Variants in ITPR2 observed in about 807,000 individuals in gnomAD.
The protein encoded by ITPR2 is inositol 1,4,5-trisphosphate-gated calcium channel ITPR2.
In ITPR2, 207 loss-of-function variants were observed where a neutral mutation model predicts 317.1. That is an observed-to-expected ratio of 0.65 (90% CI 0.58 to 0.73). ITPR2 has a LOEUF of 0.73. ITPR2 is among the 30% of genes least tolerant of loss of function. The pLI, the probability that ITPR2 is intolerant of heterozygous loss-of-function variation, is 0.00. For synonymous variants in ITPR2, 1,156 were observed against 1,149.1 expected (o/e 1.01, Z -0.12); for missense variants, 2,613 against 3,284.0 (o/e 0.80, Z 4.99).
intron 39 of ITPR2, among the ~76,000 whole-genome samples, chr12:26,489,700 T>C (rs763248096): frequency 6.6e-6 from 1 of 152,224 alleles, no homozygotes; most frequent in Non-Finnish European, 1.5e-5. Context: ...CTCCTATACC[T>C]TCTCCTTCAG....
At chr12:26,736,821 G>T (rs1949127003) in intron 2 of ITPR2, among the ~76,000 whole-genome samples, 1 of 152,090 alleles carries the variant, frequency 6.6e-6, no homozygotes, top group African/African-American at 2.4e-5. Flanking sequence ...GTTGGGTCCA[G>T]TTCTATAGAT....
intron 10 of ITPR2, among the ~76,000 whole-genome samples, chr12:26,686,966 G>A (rs1161466610): frequency 2.6e-5 from 4 of 152,140 alleles, no homozygotes; most frequent in Non-Finnish European, 5.9e-5. Context: ...AACAAACACA[G>A]AGAAGAGCCC....
chr12:26,696,898 T>C (rs975146374), intron 9 of ITPR2, among the ~76,000 whole-genome samples: 3 of 152,190 alleles, frequency 2.0e-5, no homozygotes, highest in Admixed American at 1.3e-4. Flanking sequence ...CTGCTACCTG[T>C]CTCTGACTTT....
intron 32 of ITPR2, among the ~76,000 whole-genome samples, chr12:26,592,062 C>A (rs764556446): frequency 2.0e-5 from 3 of 152,132 alleles, no homozygotes; most frequent in Admixed American, 6.6e-5. Flanking sequence ...GAGTACTATT[C>A]AGCCAGTAAA....
At position 26,669,195 on chromosome 12, in the gene ITPR2, T is replaced by A. The variant is rs541068900; in HGVS notation, c.1410-3144A>T. On this transcript the variant is annotated intron_variant, in intron 13 of 56. Transcript: ENST00000381340. ...AGAAGGAAAATTATTCTACATACAT[T>A]CTAAAAATATTATTAATCTATAAGG... is the stretch of plus-strand genomic sequence containing the variant. 4.6e-5 allele frequency among the ~76,000 whole-genome samples: 7 copies of A among 151,716 alleles called. No homozygotes were observed. In the South Asian group the frequency reaches 1.2e-3, roughly 27 times the overall value.
chr12:26,696,969 C>T (rs543522208), intron 9 of ITPR2, among the ~76,000 whole-genome samples: 1 of 152,248 alleles, frequency 6.6e-6, no homozygotes, highest in South Asian at 2.1e-4. Context: ...AAGATGATGG[C>T]CAAGGCCTTT....
chr12:26,583,116 T>C (rs2137080187), intron 32 of ITPR2, among the ~76,000 whole-genome samples: 1 of 152,288 alleles, frequency 6.6e-6, no homozygotes, highest in South Asian at 2.1e-4. Flanking sequence ...TTCTTAAATC[T>C]GCCCTCGTTT....
At chr12:26,470,104 T>C (rs1942262842) in intron 45 of ITPR2, among the ~76,000 whole-genome samples, 1 of 152,214 alleles carries the variant, frequency 6.6e-6, no homozygotes, top group African/African-American at 2.4e-5. Context: ...TGAAGATGGC[T>C]AGATTTTGGC....
chr12:26,635,909 A>G (rs1334185400), intron 21 of ITPR2, among the ~76,000 whole-genome samples: 1 of 152,254 alleles, frequency 6.6e-6, no homozygotes, highest in East Asian at 1.9e-4. Context: ...GCATAAGATC[A>G]AAGCCTTAAT....
At chr12:26,715,596 G>C (rs187926905) in intron 7 of ITPR2, 151 bp from the exon 8 acceptor site, 128 of 823,792 alleles carry the variant, frequency 1.6e-4, no homozygotes, top group Admixed American at 5.5e-4. Flanking sequence ...TTAAAAATGT[G>C]GGGGGGAAAT....
intron 54 of ITPR2, 50 bp from the exon 55 acceptor site, chr12:26,387,644 C>T: frequency 6.5e-7 from 1 of 1,536,488 alleles, no homozygotes; most frequent in Non-Finnish European, 8.9e-7. Flanking sequence ...TTAATCAGTA[C>T]TTGCTTCTTA....
intron 5 of ITPR2, among the ~76,000 whole-genome samples, chr12:26,719,661 G>A (rs1048854288): frequency 6.6e-6 from 1 of 152,070 alleles, no homozygotes; most frequent in African/African-American, 2.4e-5. Context: ...GTGCAGGTTT[G>A]TTACATATGT....
At chr12:26,698,953 T>C (rs1948397574) in intron 9 of ITPR2, among the ~76,000 whole-genome samples, 4 of 151,708 alleles carry the variant, frequency 2.6e-5, no homozygotes, top group Admixed American at 6.6e-5. Context: ...AGTTTCACCA[T>C]AGCTTTTTTA....
Position 26,656,429 on chromosome 12 carries a change from G to C in ITPR2, c.2312C>G (p.Pro771Arg). ...ILRCVSDESL[P>R]FDLRASFCRL... is the part of the protein sequence containing the mutation. ...ACAGAAGGACGCTCGGAGGTCGAAC[G>C]GCAGGCTCTCATCCGACACACACCG... Residue 771 changes from proline to arginine, a missense_variant, in exon 19 of 57, where the codon CCG (proline) becomes CGG (arginine). By Grantham distance (103) the Pro-to-Arg change is moderately radical. This residue lies in a region of ITPR2 where 817 missense variants were observed against 897.6 expected (regional missense o/e 0.91). Coordinates refer to ENST00000381340, the MANE Select transcript of ITPR2 (RefSeq NM_002223.4). 1 of 1,614,176 alleles carries C rather than the reference G, an allele frequency of 6.2e-7. No individual in the cohort carries two copies. The highest frequency in any genetic ancestry group is 8.5e-7 in the Non-Finnish European group (1 of 1,180,028).
At chr12:26,787,084 T>C (rs1487213586) in intron 2 of ITPR2, among the ~76,000 whole-genome samples, 1 of 152,204 alleles carries the variant, frequency 6.6e-6, no homozygotes, top group Non-Finnish European at 1.5e-5. Flanking sequence ...AGACAAGCTA[T>C]GCAAAAGGAT....
At chr12:26,663,964 A>T (rs999997671) in intron 14 of ITPR2, 118 bp from the exon 15 acceptor site, 8 of 928,206 alleles carry the variant, frequency 8.6e-6, no homozygotes, top group Admixed American at 8.5e-5. Flanking sequence ...GTATTAGAGT[A>T]AACGGGAAAA....
intron 2 of ITPR2, among the ~76,000 whole-genome samples, chr12:26,733,153 A>G (rs1209857447): frequency 1.3e-5 from 2 of 151,980 alleles, no homozygotes; most frequent in Non-Finnish European, 2.9e-5. Context: ...ATCTCTACTA[A>G]AAATACAAAA....
chr12:26,716,488 T>C (rs1948742314), intron 5 of ITPR2, among the ~76,000 whole-genome samples: 1 of 152,152 alleles, frequency 6.6e-6, no homozygotes, highest in South Asian at 2.1e-4. Context: ...ATCTTTTTCA[T>C]ATTCATCTCC....
intron 36 of ITPR2, among the ~76,000 whole-genome samples, chr12:26,553,733 C>A (rs1944588728): frequency 6.6e-6 from 1 of 151,294 alleles, no homozygotes; most frequent in Non-Finnish European, 1.5e-5. Flanking sequence ...TGCAGTGAGC[C>A]AAGATTGCGC....
Sources: allele counts gnomAD v4.1 joint callset (sites outside exome capture counted in the v4.1 genomes callset), GRCh38; gene constraint gnomAD v4.1.1; regional missense constraint gnomAD v4.1.1; transcripts MANE v1.5; gene names NCBI Gene and HGNC (gene_info 2026-07-23, HGNC 2026-07-21).